The following SRCIN1 variants were observed in gnomAD, a reference collection of about 807,000 sequenced individuals.
SRCIN1 encodes P130Cas-associated protein.
In SRCIN1, 50 loss-of-function variants were observed where a neutral mutation model predicts 116.2. The observed-to-expected ratio is 0.43, with a 90% CI of 0.34 to 0.54. SRCIN1 has a LOEUF of 0.54. Ranked by LOEUF, SRCIN1 falls within the 20% of genes least tolerant of loss-of-function variation. The pLI is 0.02. For missense variants in SRCIN1, 1,446 were observed against 1,672.0 expected, an observed-to-expected ratio of 0.86 and a Z score of 2.36; for synonymous variants, 736 against 750.0, an observed-to-expected ratio of 0.98 and a Z score of 0.30.
rs1370468121 is a variant in SRCIN1 at position 38,568,119 on chromosome 17, AC to A, written c.345+91del. 1.2e-5 allele frequency: 18 copies of A among 1,495,894 alleles called. No homozygotes were observed. The highest frequency in any genetic ancestry group is 1.6e-5 in the Non-Finnish European group (17 of 1,082,316). The allele number at this position is 1,495,894 out of a possible 1,614,324, so 92.7% of individuals were successfully genotyped here. On this transcript the variant is annotated intron_variant, in intron 3 of 18. Transcript: ENST00000617146. The surrounding 1 kb of genome is among the most constrained non-coding windows in gnomAD (Gnocchi z 4.5). ...CCAGAAGGTGTCCGTGCAGATGCGC[AC>A]CCCGGTGCAAAGCCTGTGCAAGGGA...
In SRCIN1 at chr17:38,561,902, G is replaced by C. The variant is rs1360544322; in HGVS notation, c.1261C>G (p.Pro421Ala). ...CGCTTGTAGAGGCCGCCGGCGCCCG[G>C]GTAGGCGAACGGGTCGCCGGCGGCC... ...AAAAGDPFAY[P>A]GAGGLYKRGS... The change falls in exon 7 of 19, where the codon CCG becomes GCG. Residue 421 changes from proline to alanine, a missense_variant. Physicochemically the swap from Pro to Ala is conservative, Grantham distance 27. Around this residue, in one of 5 missense-constraint regions of SRCIN1, gnomAD observed 239 missense variants for 317.7 expected, o/e 0.75. Coordinates refer to ENST00000617146, the MANE Select transcript of SRCIN1 (RefSeq NM_025248.3). 1.1e-5 allele frequency: 16 copies of C among 1,445,830 alleles called. No individual in the cohort carries two copies. In the East Asian group the frequency reaches 3.7e-4, roughly 33 times the overall value. The allele number at this position is 1,445,830 out of a possible 1,614,324, so 89.6% of individuals were successfully genotyped here.
Position 38,558,763 on chromosome 17 carries a change from A to C in SRCIN1, c.2026-361T>G, listed in dbSNP as rs553901367. The stretch of plus-strand genomic sequence containing the variant: ...AGGAGGGCAAGGTTAAGTTCTGGGG[A>C]ATATGAGGCAGGAGAAGGGGTTGGG... On this transcript the variant is annotated intron_variant, in intron 10 of 18. Coordinates refer to ENST00000617146, the MANE Select transcript of SRCIN1 (RefSeq NM_025248.3). This position sits in a 1 kb window ranked among gnomAD's most constrained non-coding sequence, Gnocchi z 4.6. 3.3e-5 allele frequency among the ~76,000 whole-genome samples: 5 copies of C among 152,006 alleles called. No individual in the cohort carries two copies. In the East Asian group the frequency reaches 9.7e-4, roughly 30 times the overall value.
At chr17:38,579,915 C>A (rs1248352147) in intron 1 of SRCIN1, among the ~76,000 whole-genome samples, 2 of 152,144 alleles carry the variant, frequency 1.3e-5, no homozygotes, top group Non-Finnish European at 2.9e-5. Context: ...AGATTTGTGC[C>A]CCTCAGAAGT....
chr17:38,534,849 C>T (rs1274597051), intron 18 of SRCIN1, among the ~76,000 whole-genome samples: 3 of 152,142 alleles, frequency 2.0e-5, no homozygotes, highest in Non-Finnish European at 4.4e-5. Flanking sequence ...AAACAAGGGC[C>T]GGGTGTGGTG....
At position 38,605,248 on chromosome 17, in the gene SRCIN1, C is replaced by T. The variant is rs538729984; in HGVS notation, c.22+436G>A. Among the ~76,000 whole-genome samples, 70 of 150,968 alleles carry T rather than the reference C, an allele frequency of 4.6e-4. No individual in the cohort carries two copies. In the Middle Eastern group the frequency reaches 0.01, roughly 22 times the overall value. Reference sequence around the variant, plus strand: ...TTTGATGCACCCCTCACTTCTCCATCCCCTTCCCCTCCCCTGCATCCTCCA... The same window carrying T: ...TTTGATGCACCCCTCACTTCTCCATTCCCTTCCCCTCCCCTGCATCCTCCA... On this transcript the variant is annotated intron_variant, in intron 1 of 18. Coordinates refer to ENST00000617146, the MANE Select transcript of SRCIN1 (RefSeq NM_025248.3).
At chr17:38,586,946 G>A (rs1908146081) in intron 1 of SRCIN1, among the ~76,000 whole-genome samples, 1 of 152,012 alleles carries the variant, frequency 6.6e-6, no homozygotes, top group African/African-American at 2.4e-5. Context: ...AGCTGCTGGG[G>A]CTTTCCATGG....
At position 38,562,830 on chromosome 17, in the gene SRCIN1, G is replaced by A. The variant is rs983983825; in HGVS notation, c.831C>T (p.Leu277=). ...FPGSHLTNGD[L]RREMVYASRE... is the part of the protein sequence containing the mutation. Reference sequence around the variant, plus strand: ...CCCTGGGCATGCCCAGCCATACCCGGAGGTCCCCGTTGGTGAGATGTGAGC... The same window carrying A: ...CCCTGGGCATGCCCAGCCATACCCGAAGGTCCCCGTTGGTGAGATGTGAGC... Residue 277 remains leucine (L), a synonymous_variant, in exon 6 of 19, where the codon CTC becomes CTT. Coordinates refer to ENST00000617146, the MANE Select transcript of SRCIN1 (RefSeq NM_025248.3). This position sits in a 1 kb window ranked among gnomAD's most constrained non-coding sequence, Gnocchi z 4.2. 3 of 1,613,660 alleles carry A rather than the reference G, an allele frequency of 1.9e-6. No homozygotes were observed. The highest frequency in any genetic ancestry group is 2.5e-6 in the Non-Finnish European group (3 of 1,179,740).
intron 1 of SRCIN1, among the ~76,000 whole-genome samples, chr17:38,594,840 C>T (rs968774846): frequency 2.6e-5 from 4 of 152,060 alleles, no homozygotes; most frequent in Admixed American, 6.6e-5. Flanking sequence ...TTTTGGGGGG[C>T]GGCTTCCCCT....
chr17:38,564,336 G>A (rs1487306600), intron 3 of SRCIN1, 23 bp from the exon 4 acceptor site: 1 of 1,514,280 alleles, frequency 6.6e-7, no homozygotes, highest in Non-Finnish European at 8.8e-7. Flanking sequence ...GGCAGGGTGA[G>A]AGGAACCAAG....
At chr17:38,548,443 G>T in intron 17 of SRCIN1, 114 bp downstream of exon 17, 1 of 1,333,038 alleles carries the variant, frequency 7.5e-7, no homozygotes, top group Non-Finnish European at 1.0e-6. Context: ...CCAGCGCTCC[G>T]CAGGGAGCCC....
At chr17:38,547,178 G>A (rs973689357) in intron 17 of SRCIN1, among the ~76,000 whole-genome samples, 11 of 152,232 alleles carry the variant, frequency 7.2e-5, no homozygotes, top group African/African-American at 2.7e-4. Flanking sequence ...CTCTGTCCAA[G>A]AGGGCATCGT....
chr17:38,571,608 C>T (rs1174572170), intron 2 of SRCIN1, among the ~76,000 whole-genome samples: 1 of 152,148 alleles, frequency 6.6e-6, no homozygotes, highest in Non-Finnish European at 1.5e-5. Flanking sequence ...GGGGTCTCAC[C>T]TTCCCAAAAG....
chr17:38,605,347 C>T (rs2143491080), intron 1 of SRCIN1, among the ~76,000 whole-genome samples: 1 of 147,180 alleles, frequency 6.8e-6, no homozygotes, highest in African/African-American at 2.5e-5. Flanking sequence ...CTCCTCACCC[C>T]TCCCCCTTCC....
intron 16 of SRCIN1, 23 bp from the exon 17 acceptor site, chr17:38,548,732 C>G (rs372092659): frequency 4.5e-6 from 7 of 1,560,334 alleles, no homozygotes; most frequent in Non-Finnish European, 6.0e-6. Flanking sequence ...GGACTCCTGT[C>G]AAGGCCAGGC....
rs1352283074 is a variant in SRCIN1 at position 38,530,065 on chromosome 17, A to G, written c.*3232T>C. The G allele has an allele frequency of 1.3e-5, 2 of 152,256 alleles. No homozygotes were observed. The highest frequency in any genetic ancestry group is 2.4e-5 in the African/African-American group (1 of 41,458). 9.4% of individuals were successfully genotyped at this position (152,256 alleles called of 1,614,324 possible). A position where few individuals can be genotyped will look rare whatever the true frequency, so the allele number is the denominator to read the frequency against. On this transcript the variant is annotated 3_prime_UTR_variant, in exon 19 of 19. Transcript: ENST00000617146. ...GAAACAAGTTTTATTAAAGCCCCAAACACTTGGCTAGAAAAACTGAAAAGG... is the reference window on the plus strand; with the variant it reads ...GAAACAAGTTTTATTAAAGCCCCAAGCACTTGGCTAGAAAAACTGAAAAGG...
chr17:38,604,498 A>T lies in SRCIN1; in HGVS notation c.22+1186T>A, dbSNP rs1409514102. On this transcript the variant is annotated intron_variant, in intron 1 of 18. Transcript: ENST00000617146. The surrounding 1 kb of genome is among the most constrained non-coding windows in gnomAD (Gnocchi z 4.3). ...GCTCACCTGGCTCCCCTCGGCCCCC[A>T]GGGTCCCTCGGTCCAGCCTCCTCCC... 2.2e-6 allele frequency: 1 copy of T among 454,028 alleles called. No homozygotes were observed. Among genetic ancestry groups the T allele is most frequent in the African/African-American group, 2.0e-5 (1 of 49,710 alleles). The allele number at this position is 454,028 out of a possible 1,614,324, so 28.1% of individuals were successfully genotyped here. A position where few individuals can be genotyped will look rare whatever the true frequency, so the allele number is the denominator to read the frequency against.
chr17:38,582,895 T>G (rs796923638), intron 1 of SRCIN1, among the ~76,000 whole-genome samples: 66 of 152,090 alleles, frequency 4.3e-4, no homozygotes, highest in African/African-American at 1.5e-3. Flanking sequence ...TGGGGGAGCA[T>G]CCTGTCCTTA....
Position 38,562,979 on chromosome 17 carries a change from G to A in SRCIN1, c.741-59C>T. ...ATCCCCCAGCTGTGCACAATGAGAAGGGATGGCTACTCCAGGCCTAGAGAA... is the reference window on the plus strand; with the variant it reads ...ATCCCCCAGCTGTGCACAATGAGAAAGGATGGCTACTCCAGGCCTAGAGAA... On this transcript the variant is annotated intron_variant, in intron 5 of 18. Transcript: ENST00000617146. The surrounding 1 kb of genome is among the most constrained non-coding windows in gnomAD (Gnocchi z 4.2). 3 of 1,402,760 alleles carry A rather than the reference G, an allele frequency of 2.1e-6. No individual in the cohort carries two copies. The highest frequency in any genetic ancestry group is 2.4e-5 in the South Asian group (2 of 83,408). 86.9% of individuals were successfully genotyped at this position (1,402,760 alleles called of 1,614,324 possible). A position where few individuals can be genotyped will look rare whatever the true frequency, so the allele number is the denominator to read the frequency against.
rs1027079225 is a variant in SRCIN1 at position 38,585,687 on chromosome 17, C to T, written c.23-6896G>A. 2.0e-5 allele frequency among the ~76,000 whole-genome samples: 3 copies of T among 152,160 alleles called. No homozygotes were observed. Among genetic ancestry groups the T allele is most frequent in the Non-Finnish European group, 4.4e-5 (3 of 68,032 alleles). ...GTCTGTTTTCTAAAACCATCTTTTC[C>T]GCCCCATACCACAGCAACCAAAGTC... On this transcript the variant is annotated intron_variant, in intron 1 of 18. Transcript: ENST00000617146. This position sits in a 1 kb window ranked among gnomAD's most constrained non-coding sequence, Gnocchi z 4.2.
Sources: allele counts gnomAD v4.1 joint callset (sites outside exome capture counted in the v4.1 genomes callset), GRCh38; gene constraint gnomAD v4.1.1; regional missense constraint gnomAD v4.1.1; non-coding constraint Gnocchi (gnomAD v3.1); transcripts MANE v1.5; gene names NCBI Gene and HGNC (gene_info 2026-07-23, HGNC 2026-07-21).